Variants in SYNDIG1 observed in about 807,000 individuals in gnomAD.
SYNDIG1 encodes the protein synapse differentiation inducing 1, also known as synapse differentiation-inducing gene protein 1.
A neutral mutation model predicts 19.4 loss-of-function variants in SYNDIG1; 9 were observed. The ratio of observed to expected loss-of-function variants is 0.46; its 90% CI spans 0.28 to 0.81. The LOEUF (loss-of-function observed/expected upper bound fraction) is 0.81. Among genes scored for constraint, SYNDIG1 ranks in the 30% least tolerant of loss-of-function variants. The pLI is 0.12. For synonymous variants in SYNDIG1, 141 were observed against 145.9 expected (o/e 0.97, Z 0.24); for missense variants, 311 against 343.3 (o/e 0.91, Z 0.74).
chr20:24,568,972 C>A (rs2058096967), intron 2 of SYNDIG1, among the ~76,000 whole-genome samples: 1 of 152,190 alleles, frequency 6.6e-6, no homozygotes, highest in African/African-American at 2.4e-5. Context: ...ACTCTGGGAG[C>A]AAGGTGGAAT....
chr20:24,563,102 A>T (rs1477946217), intron 2 of SYNDIG1, among the ~76,000 whole-genome samples: 1 of 152,230 alleles, frequency 6.6e-6, no homozygotes, highest in African/African-American at 2.4e-5. Context: ...TACTCACTGA[A>T]ACAAAATCCA....
rs561590693 is a variant in SYNDIG1, at chr20:24,658,073, C to T, written c.619-7273C>T. Among the ~76,000 whole-genome samples, 7 of 152,260 alleles carry T rather than the reference C, an allele frequency of 4.6e-5. No homozygotes were observed. The highest frequency in any genetic ancestry group is 7.2e-5 in the African/African-American group (3 of 41,536). On this transcript the variant is annotated intron_variant, in intron 3 of 3. Transcript: ENST00000376862. This position sits in a 1 kb window ranked among gnomAD's most constrained non-coding sequence, Gnocchi z 4.4. ...TGGATGACGGGGACTGTGGAAACAG[C>T]GACCTTGCCCCTAAAAACTGACTGC...
In SYNDIG1 at chr20:24,666,557, C is replaced by T. The variant is rs1203782001; in HGVS notation, c.*1053C>T. 1 of 152,602 alleles carries T rather than the reference C, an allele frequency of 6.6e-6. No homozygotes were observed. Among genetic ancestry groups the T allele is most frequent in the African/African-American group, 2.4e-5 (1 of 41,440 alleles). The allele number at this position is 152,602 out of a possible 1,614,324, so 9.5% of individuals were successfully genotyped here. On this transcript the variant is annotated 3_prime_UTR_variant, in exon 4 of 4. Transcript: ENST00000376862. ...ATTTCATTGCTGTTTTACGAGTGTT[C>T]ATTACTTAACAAAAAATTATCTTTT...
chr20:24,630,301 G>A (rs1361883089), intron 3 of SYNDIG1, among the ~76,000 whole-genome samples: 1 of 152,314 alleles, frequency 6.6e-6, no homozygotes, highest in East Asian at 1.9e-4. Context: ...CCGGGACCTA[G>A]AGGACTGGGA....
intron 1 of SYNDIG1, among the ~76,000 whole-genome samples, chr20:24,485,460 G>T (rs983379366): frequency 4.6e-5 from 7 of 152,170 alleles, no homozygotes; most frequent in Non-Finnish European, 8.8e-5. Context: ...TGTTTTCACT[G>T]AAGAGATAGA....
intron 1 of SYNDIG1, among the ~76,000 whole-genome samples, chr20:24,537,781 AG>A (rs1231895148): frequency 2.0e-5 from 3 of 152,004 alleles, no homozygotes; most frequent in African/African-American, 7.2e-5. Context: ...AGTGTACTTG[AG>A]GGGGTACACT....
chr20:24,638,028 C>T (rs190518829), intron 3 of SYNDIG1, among the ~76,000 whole-genome samples: 3 of 152,330 alleles, frequency 2.0e-5, no homozygotes, highest in African/African-American at 4.8e-5. Flanking sequence ...ATCCAGTGTC[C>T]GAGAGAGTGT....
chr20:24,644,124 A>G (rs768257450), intron 3 of SYNDIG1, among the ~76,000 whole-genome samples: 1 of 152,240 alleles, frequency 6.6e-6, no homozygotes, highest in African/African-American at 2.4e-5. Context: ...ATTCCAGGAT[A>G]TGACAGCTTC....
intron 1 of SYNDIG1, among the ~76,000 whole-genome samples, chr20:24,540,640 A>G (rs2057450772): frequency 6.6e-6 from 1 of 152,114 alleles, no homozygotes; most frequent in Non-Finnish European, 1.5e-5. Context: ...TTCTTTTTCT[A>G]TGTCAATAGA....
intron 3 of SYNDIG1, among the ~76,000 whole-genome samples, chr20:24,644,670 T>C (rs2059407509): frequency 6.6e-6 from 1 of 152,220 alleles, no homozygotes; most frequent in South Asian, 2.1e-4. Context: ...TCAACAGGCT[T>C]AGTCTCTTAG....
At chr20:24,624,224 C>T (rs1159789158) in intron 3 of SYNDIG1, among the ~76,000 whole-genome samples, 2 of 146,622 alleles carry the variant, frequency 1.4e-5, no homozygotes, top group African/African-American at 5.1e-5. Context: ...CCACTGCAAT[C>T]CAGCCCGGGT....
At chr20:24,621,726 C>T (rs1251856989) in intron 3 of SYNDIG1, among the ~76,000 whole-genome samples, 3 of 152,168 alleles carry the variant, frequency 2.0e-5, no homozygotes, top group Non-Finnish European at 4.4e-5. Context: ...TCCCTATGCC[C>T]TACCACCATG....
chr20:24,572,176 T>C (rs924310959), intron 2 of SYNDIG1, among the ~76,000 whole-genome samples: 2 of 152,244 alleles, frequency 1.3e-5, no homozygotes, highest in Admixed American at 1.3e-4. Context: ...ATACTCCTTG[T>C]GTCAGTCATT....
chr20:24,558,348 C>T, intron 2 of SYNDIG1, among the ~76,000 whole-genome samples: 1 of 152,152 alleles, frequency 6.6e-6, no homozygotes, highest in Non-Finnish European at 1.5e-5. Flanking sequence ...TCTGTCTTGT[C>T]TGATATTAAC....
chr20:24,555,564 G>A (rs1010865186), intron 2 of SYNDIG1, among the ~76,000 whole-genome samples: 6 of 152,012 alleles, frequency 3.9e-5, no homozygotes, highest in East Asian at 1.9e-4. Context: ...CATTATGTAC[G>A]CAGTAGTCAT....
At chr20:24,590,837 C>T (rs781129230) in intron 3 of SYNDIG1, among the ~76,000 whole-genome samples, 26 of 152,170 alleles carry the variant, frequency 1.7e-4, no homozygotes, top group Non-Finnish European at 3.2e-4. Flanking sequence ...ATGAGGGGCC[C>T]GTGGGAGCAT....
At chr20:24,586,064 C>G (rs1469662077) in intron 3 of SYNDIG1, among the ~76,000 whole-genome samples, 2 of 152,210 alleles carry the variant, frequency 1.3e-5, no homozygotes, top group African/African-American at 4.8e-5. Flanking sequence ...TATGGGATTT[C>G]TGTTTTCCCC....
intron 3 of SYNDIG1, among the ~76,000 whole-genome samples, chr20:24,590,297 C>T (rs2058487442): frequency 1.5e-5 from 2 of 136,326 alleles, no homozygotes; most frequent in Admixed American, 1.5e-4. Context: ...CTGGGGGCCG[C>T]GGGTGTGGAG....
rs947418770 is a variant in SYNDIG1 at position 24,643,563 on chromosome 20, G to C, written c.619-21783G>C. 5.9e-5 allele frequency among the ~76,000 whole-genome samples: 9 copies of C among 152,312 alleles called. No individual in the cohort carries two copies. In the East Asian group the frequency reaches 1.5e-3, roughly 26 times the overall value. ...GCCATTAGTCCTGCAGTCTCCACTCGTTTCCAGGGTTACTTTGGTCAACAC... is the reference window on the plus strand; with the variant it reads ...GCCATTAGTCCTGCAGTCTCCACTCCTTTCCAGGGTTACTTTGGTCAACAC... On this transcript the variant is annotated intron_variant, in intron 3 of 3. Coordinates refer to ENST00000376862, the MANE Select transcript of SYNDIG1 (RefSeq NM_024893.3).
Sources: gnomAD v4.1 joint callset for allele counts (sites outside exome capture counted in the v4.1 genomes callset) on GRCh38, gnomAD v4.1.1 for gene constraint, Gnocchi (gnomAD v3.1) non-coding constraint, MANE v1.5 for transcripts, NCBI Gene and HGNC (gene_info 2026-07-23, HGNC 2026-07-21) for gene names.